CHST11: variants seen among roughly 807,000 people sequenced by gnomAD.
CHST11 encodes the protein carbohydrate sulfotransferase 11.
Under a neutral mutation model 30.4 loss-of-function variants are expected in CHST11, and 9 were observed. The ratio of observed to expected loss-of-function variants is 0.30; its 90% CI spans 0.18 to 0.52. The LOEUF is 0.52. Among genes scored for constraint, CHST11 ranks in the 20% least tolerant of loss-of-function variants. CHST11 has a pLI of 0.97. For missense variants in CHST11, 348 were observed against 460.6 expected (o/e 0.76, Z 2.24); for synonymous variants, 152 against 187.8 (o/e 0.81, Z 1.56).
intron 2 of CHST11, among the ~76,000 whole-genome samples, chr12:104,632,806 C>T (rs991324688): frequency 6.6e-6 from 1 of 152,218 alleles, no homozygotes; most frequent in African/African-American, 2.4e-5. Flanking sequence ...GGTCCTCCTC[C>T]GGGAGGAGCC....
At chr12:104,635,302 A>G (rs891865925) in intron 2 of CHST11, among the ~76,000 whole-genome samples, 1 of 152,244 alleles carries the variant, frequency 6.6e-6, no homozygotes, top group African/African-American at 2.4e-5. Flanking sequence ...ATTTTCAGGA[A>G]TAAAAAGTAC....
Position 104,757,133 on chromosome 12 carries a change from A to G in CHST11, c.389A>G (p.Asn130Ser). The change falls in exon 3 of 3, where the codon AAC becomes AGC. Residue 130 changes from asparagine to serine, a missense_variant. Coordinates refer to ENST00000303694, the MANE Select transcript of CHST11 (RefSeq NM_018413.6). The surrounding 1 kb of genome is among the most constrained non-coding windows in gnomAD (Gnocchi z 6.5). Reference protein sequence around the residue: ...YCYVPKVACTNWKRLMMVLTG... With the variant: ...YCYVPKVACTSWKRLMMVLTG... ...TACGTGCCCAAGGTGGCCTGCACCA[A>G]CTGGAAGCGGCTCATGATGGTCCTG... 1 of 1,614,122 alleles carries G rather than the reference A, an allele frequency of 6.2e-7. No individual in the cohort carries two copies. The highest frequency in any genetic ancestry group is 8.5e-7 in the Non-Finnish European group (1 of 1,180,024).
At chr12:104,488,043 G>A (rs2037700457) in intron 1 of CHST11, among the ~76,000 whole-genome samples, 1 of 151,982 alleles carries the variant, frequency 6.6e-6, no homozygotes. Context: ...CAAGTAGCTG[G>A]GACTACTGGT....
chr12:104,730,794 T>C (rs569545935), intron 2 of CHST11, among the ~76,000 whole-genome samples: 24 of 152,092 alleles, frequency 1.6e-4, no homozygotes, highest in African/African-American at 5.5e-4. Flanking sequence ...TCTCTAGGAG[T>C]GGCCAGGTTG....
chr12:104,601,404 T>C (rs7316145), intron 1 of CHST11, among the ~76,000 whole-genome samples: 124,948 of 152,060 alleles, frequency 0.82, 51,486 homozygotes, highest in East Asian at 0.99. Context: ...TTAGGAGAGG[T>C]TTTGGGGAGG....
chr12:104,601,558 C>A (rs574466846), intron 1 of CHST11, among the ~76,000 whole-genome samples: 21 of 152,310 alleles, frequency 1.4e-4, no homozygotes, highest in African/African-American at 3.8e-4. Context: ...TGTTACCAAG[C>A]CTGCTGCTGG....
At chr12:104,466,772 A>T (rs1396957852) in intron 1 of CHST11, among the ~76,000 whole-genome samples, 2 of 152,204 alleles carry the variant, frequency 1.3e-5, no homozygotes, top group Non-Finnish European at 2.9e-5. Flanking sequence ...TTTATAAATA[A>T]TTTCTGCATA....
At chr12:104,526,999 C>G (rs1024233511) in intron 1 of CHST11, among the ~76,000 whole-genome samples, 2 of 152,186 alleles carry the variant, frequency 1.3e-5, no homozygotes, top group African/African-American at 4.8e-5. Flanking sequence ...CCATTCTCCT[C>G]AGCACCACAC....
At position 104,472,390 on chromosome 12, in the gene CHST11, T is replaced by TACACAC. The variant is rs111810878; in HGVS notation, c.118+14878_118+14883dup. ...ACAAGATATTGGCTGCAAAGTTTTA[T>TACACAC]ACACACACACACACACACACACCCC... On this transcript the variant is annotated intron_variant, in intron 1 of 2. Transcript: ENST00000303694. Among the ~76,000 whole-genome samples the TACACAC allele has an allele frequency of 1.3e-4, 20 of 149,866 alleles. 1 individual carries two copies. The highest frequency in any genetic ancestry group is 1.1e-3 in the South Asian group (5 of 4,740).
chr12:104,556,598 G>T (rs1592761443), intron 1 of CHST11, among the ~76,000 whole-genome samples: 2 of 152,152 alleles, frequency 1.3e-5, no homozygotes, highest in South Asian at 2.1e-4. Context: ...CGTCTCTCCA[G>T]GCTCTGCCTC....
chr12:104,520,834 G>A (rs1056048130), intron 1 of CHST11, among the ~76,000 whole-genome samples: 18 of 152,158 alleles, frequency 1.2e-4, no homozygotes, highest in Admixed American at 3.9e-4. Flanking sequence ...AGCCAGTGGC[G>A]TGTGCAGCCA....
At chr12:104,748,394 C>G (rs949863962) in intron 2 of CHST11, among the ~76,000 whole-genome samples, 5 of 152,070 alleles carry the variant, frequency 3.3e-5, no homozygotes, top group African/African-American at 1.2e-4. Context: ...TCTCAACACC[C>G]AGGACTTCCA....
intron 1 of CHST11, among the ~76,000 whole-genome samples, chr12:104,562,933 G>A (rs2038527429): frequency 6.6e-6 from 1 of 152,214 alleles, no homozygotes; most frequent in South Asian, 2.1e-4. Context: ...CACTGTGTTG[G>A]CTTACCATTT....
chr12:104,553,393 C>T (rs2038423259), intron 1 of CHST11: 1 of 152,186 alleles, frequency 6.6e-6, no homozygotes, highest in Non-Finnish European at 1.5e-5. Context: ...TTTTATTAGT[C>T]TGATCTTACA....
intron 1 of CHST11, among the ~76,000 whole-genome samples, chr12:104,477,468 T>C (rs558975048): frequency 2.0e-5 from 3 of 152,330 alleles, no homozygotes; most frequent in African/African-American, 7.2e-5. Flanking sequence ...ATTGTCTGAA[T>C]GCTGCGTCTC....
At position 104,724,027 on chromosome 12, in the gene CHST11, G is replaced by T. The variant is rs145834605; in HGVS notation, c.205-32922G>T. Among the ~76,000 whole-genome samples, 346 of 152,236 alleles carry T rather than the reference G, an allele frequency of 2.3e-3. 3 individuals carry two copies. The highest frequency in any genetic ancestry group is 7.9e-3 in the African/African-American group (327 of 41,516). On this transcript the variant is annotated intron_variant, in intron 2 of 2. Transcript: ENST00000303694. ...TTGAGTTGAAGGAGAGCTATTAGAGGTTTATAGGGAGAGTGTGATATGATC... is the reference window on the plus strand; with the variant it reads ...TTGAGTTGAAGGAGAGCTATTAGAGTTTTATAGGGAGAGTGTGATATGATC...
intron 1 of CHST11, among the ~76,000 whole-genome samples, chr12:104,589,962 T>C (rs1279814677): frequency 2.6e-5 from 4 of 152,102 alleles, no homozygotes; most frequent in Non-Finnish European, 5.9e-5. Flanking sequence ...TGAGCCAAGA[T>C]GGCGCCACTG....
chr12:104,564,313 C>T (rs1440399495), intron 1 of CHST11, among the ~76,000 whole-genome samples: 3 of 145,802 alleles, frequency 2.1e-5, no homozygotes, highest in Non-Finnish European at 4.6e-5. Context: ...CACTCTGTGG[C>T]TCCCAGTCTG....
intron 1 of CHST11, among the ~76,000 whole-genome samples, chr12:104,486,197 A>C (rs1250762559): frequency 6.6e-6 from 1 of 152,110 alleles, no homozygotes; most frequent in African/African-American, 2.4e-5. Context: ...CTCTTTAGGG[A>C]AAATATGATC....
Sources: allele counts gnomAD v4.1 joint callset (sites outside exome capture counted in the v4.1 genomes callset), GRCh38; gene constraint gnomAD v4.1.1; non-coding constraint Gnocchi (gnomAD v3.1); transcripts MANE v1.5; gene names NCBI Gene and HGNC (gene_info 2026-07-23, HGNC 2026-07-21).